The following MRPL1 variants were observed in gnomAD, a reference collection of about 807,000 sequenced individuals.
MRPL1 encodes the protein large ribosomal subunit protein uL1m.
Under a neutral mutation model 38.0 loss-of-function variants are expected in MRPL1, and 28 were observed. The observed-to-expected ratio is 0.74, with a 90% CI of 0.55 to 1.01. The LOEUF (loss-of-function observed/expected upper bound fraction) is 1.01. Among genes scored for constraint, MRPL1 ranks in the 50% least tolerant of loss-of-function variants. The pLI is 0.00. For missense variants in MRPL1, 358 were observed against 389.8 expected (o/e 0.92, Z 0.69); for synonymous variants, 123 against 126.7 (o/e 0.97, Z 0.20).
chr4:77,937,413 GT>G (rs1737012070), intron 7 of MRPL1, among the ~76,000 whole-genome samples: 1 of 152,206 alleles, frequency 6.6e-6, no homozygotes, highest in Admixed American at 6.5e-5. Flanking sequence ...TCAGTTCTAA[GT>G]ACCTGGCCCC....
chr4:77,930,400 T>C (rs1311032281), intron 7 of MRPL1, among the ~76,000 whole-genome samples: 1 of 152,202 alleles, frequency 6.6e-6, no homozygotes, highest in East Asian at 1.9e-4. Flanking sequence ...AGCTCTGTCT[T>C]GTGTCATCAT....
At position 77,951,882 on chromosome 4, in the gene MRPL1, G is replaced by T. The variant is rs185489773; in HGVS notation, c.860-607G>T. ...ATCATTCCCACCTATGCTCTGACCT[G>T]CCAGGATAGGCTTTGGCCTCCCACA... On this transcript the variant is annotated intron_variant, in intron 8 of 8. Coordinates refer to ENST00000315567, the MANE Select transcript of MRPL1 (RefSeq NM_020236.4). Among the ~76,000 whole-genome samples the T allele has an allele frequency of 4.0e-4, 61 of 152,286 alleles. No individual in the cohort carries two copies. In the East Asian group the frequency reaches 8.9e-3, roughly 22 times the overall value.
intron 1 of MRPL1, among the ~76,000 whole-genome samples, chr4:77,868,266 G>T (rs1283181150): frequency 2.6e-5 from 4 of 151,864 alleles, no homozygotes; most frequent in African/African-American, 4.8e-5. Flanking sequence ...TTCTGTGATG[G>T]ACTCTTCCTC....
chr4:77,891,340 G>C (rs1560463656), intron 5 of MRPL1, among the ~76,000 whole-genome samples: 1 of 143,936 alleles, frequency 6.9e-6, no homozygotes, highest in African/African-American at 2.6e-5. Context: ...CTTTGGTTCA[G>C]TTTTTTTTGT....
At chr4:77,879,790 G>A (rs1735494841) in intron 2 of MRPL1, among the ~76,000 whole-genome samples, 1 of 152,182 alleles carries the variant, frequency 6.6e-6, no homozygotes, top group Non-Finnish European at 1.5e-5. Context: ...TAGCTGTTGA[G>A]ATGTGTTGTA....
chr4:77,914,740 A>G (rs997525050), intron 7 of MRPL1, among the ~76,000 whole-genome samples: 1 of 151,830 alleles, frequency 6.6e-6, no homozygotes, highest in African/African-American at 2.4e-5. Context: ...TCTGTAGCCA[A>G]TATGTTATGA....
intron 5 of MRPL1, among the ~76,000 whole-genome samples, chr4:77,891,644 C>G (rs1047416788): frequency 2.6e-5 from 4 of 152,222 alleles, no homozygotes; most frequent in Admixed American, 6.5e-5. Context: ...GCGTGAGCCA[C>G]TGCTCCCAGC....
chr4:77,945,147 AT>A, intron 7 of MRPL1, among the ~76,000 whole-genome samples: 1 of 144,448 alleles, frequency 6.9e-6, no homozygotes, highest in Non-Finnish European at 1.5e-5. Context: ...TATTATTATT[AT>A]TATTATTATT....
intron 7 of MRPL1, among the ~76,000 whole-genome samples, chr4:77,934,537 A>G (rs1736918803): frequency 6.6e-6 from 1 of 152,200 alleles, no homozygotes; most frequent in Non-Finnish European, 1.5e-5. Context: ...AAATAAAATA[A>G]CAAGTGTTGA....
At chr4:77,891,866 C>T (rs1386428590) in intron 5 of MRPL1, among the ~76,000 whole-genome samples, 5 of 152,034 alleles carry the variant, frequency 3.3e-5, no homozygotes, top group Admixed American at 6.6e-5. Context: ...CTTTAGGGCC[C>T]CAGTAGAGGA....
At chr4:77,876,305 C>T (rs951781214) in intron 2 of MRPL1, among the ~76,000 whole-genome samples, 1 of 152,144 alleles carries the variant, frequency 6.6e-6, no homozygotes, top group Non-Finnish European at 1.5e-5. Flanking sequence ...TGCCTTTTGC[C>T]TGTTTTTCTG....
intron 5 of MRPL1, among the ~76,000 whole-genome samples, chr4:77,892,728 A>C (rs144510049): frequency 6.6e-6 from 1 of 152,112 alleles, no homozygotes; most frequent in African/African-American, 2.4e-5. Context: ...CTGCTTTCCT[A>C]TTTCCAGTGA....
chr4:77,876,399 A>T (rs1253560014), intron 2 of MRPL1, among the ~76,000 whole-genome samples: 1 of 152,096 alleles, frequency 6.6e-6, no homozygotes, highest in East Asian at 1.9e-4. Flanking sequence ...TTTATCTTTA[A>T]ATGTTGTTTT....
At chr4:77,912,310 A>T (rs1050831460) in intron 7 of MRPL1, among the ~76,000 whole-genome samples, 1 of 152,174 alleles carries the variant, frequency 6.6e-6, no homozygotes, top group Non-Finnish European at 1.5e-5. Context: ...TGAAACTGTC[A>T]TTATTCACAG....
chr4:77,931,231 T>C (rs1736837174), intron 7 of MRPL1, among the ~76,000 whole-genome samples: 1 of 152,236 alleles, frequency 6.6e-6, no homozygotes, highest in Non-Finnish European at 1.5e-5. Context: ...AAGCAATTAT[T>C]GAAGGCCACC....
chr4:77,873,390 A>G (rs1735328004), intron 2 of MRPL1, among the ~76,000 whole-genome samples: 1 of 152,232 alleles, frequency 6.6e-6, no homozygotes, highest in African/African-American at 2.4e-5. Flanking sequence ...GTTAGTATAT[A>G]ATAATAGAAT....
At chr4:77,897,680 C>T (rs552039262) in intron 6 of MRPL1, among the ~76,000 whole-genome samples, 16 of 152,310 alleles carry the variant, frequency 1.1e-4, no homozygotes, top group Admixed American at 3.9e-4. Flanking sequence ...TTGTATCATA[C>T]GTGAGACTCA....
At chr4:77,952,330 A>T (rs894341362) in intron 8 of MRPL1, among the ~76,000 whole-genome samples, 159 bp from the exon 9 acceptor site, 1 of 152,200 alleles carries the variant, frequency 6.6e-6, no homozygotes, top group Non-Finnish European at 1.5e-5. Context: ...AACTCTTATT[A>T]ATTAGCCTAC....
intron 7 of MRPL1, among the ~76,000 whole-genome samples, chr4:77,931,937 G>A (rs190360262): frequency 9.8e-5 from 15 of 152,296 alleles, no homozygotes; most frequent in Non-Finnish European, 1.8e-4. Context: ...GGAGATGGAC[G>A]CAGAGCACAG....
Sources: gnomAD v4.1 joint callset for allele counts (sites outside exome capture counted in the v4.1 genomes callset) on GRCh38, gnomAD v4.1.1 for gene constraint, MANE v1.5 for transcripts, NCBI Gene and HGNC (gene_info 2026-07-23, HGNC 2026-07-21) for gene names.